MGMT: variants seen among roughly 807,000 people sequenced by gnomAD.
MGMT encodes methylated-DNA--protein-cysteine methyltransferase.
A neutral mutation model predicts 15.9 loss-of-function variants in MGMT; 14 were observed. The observed-to-expected ratio is 0.88, with a 90% CI of 0.58 to 1.37. MGMT has a LOEUF of 1.37. Ranked by LOEUF, MGMT falls within the 40% of genes most tolerant of loss-of-function variation. The pLI, the probability that MGMT is intolerant of heterozygous loss-of-function variation, is 0.00. For missense variants in MGMT, 282 were observed against 268.1 expected, an observed-to-expected ratio of 1.05 and a Z score of -0.36; for synonymous variants, 130 against 118.2, an observed-to-expected ratio of 1.10 and a Z score of -0.65.
chr10:129,579,682 C>T (rs929492893), intron 2 of MGMT, among the ~76,000 whole-genome samples: 2 of 152,198 alleles, frequency 1.3e-5, no homozygotes, highest in African/African-American at 4.8e-5. Flanking sequence ...CTTCTGGAGC[C>T]TTACTATTAT....
At chr10:129,746,688 A>G (rs908494286) in intron 3 of MGMT, among the ~76,000 whole-genome samples, 1 of 152,170 alleles carries the variant, frequency 6.6e-6, no homozygotes, top group Non-Finnish European at 1.5e-5. Context: ...TAACTCCATC[A>G]ATACTCCAAC....
intron 2 of MGMT, among the ~76,000 whole-genome samples, chr10:129,699,491 C>A (rs1047993320): frequency 2.6e-5 from 4 of 152,108 alleles, no homozygotes; most frequent in Non-Finnish European, 1.5e-5. Flanking sequence ...ATACCTACGA[C>A]CACCCAGAAA....
chr10:129,727,483 A>C (rs1180983947), intron 3 of MGMT, among the ~76,000 whole-genome samples: 1 of 152,228 alleles, frequency 6.6e-6, no homozygotes, highest in Non-Finnish European at 1.5e-5. Context: ...CATGAAAGAA[A>C]GGTCATTTGT....
At chr10:129,473,172 C>T (rs1589826114) in intron 1 of MGMT, among the ~76,000 whole-genome samples, 1 of 152,350 alleles carries the variant, frequency 6.6e-6, no homozygotes, top group South Asian at 2.1e-4. Context: ...GCAGTGACAC[C>T]AGCATGTGAC....
intron 4 of MGMT, among the ~76,000 whole-genome samples, chr10:129,763,748 A>T (rs1280887448): frequency 6.6e-6 from 1 of 152,240 alleles, no homozygotes; most frequent in Non-Finnish European, 1.5e-5. Context: ...GCAATTATTA[A>T]TGGGACTGTT....
At chr10:129,487,875 TGAGA>T (rs979679490) in intron 1 of MGMT, among the ~76,000 whole-genome samples, 1 of 151,100 alleles carries the variant, frequency 6.6e-6, no homozygotes, top group East Asian at 2.0e-4. Flanking sequence ...TCCTAGACAT[TGAGA>T]GACTGTGTGT....
chr10:129,524,146 T>C (rs7913859), intron 1 of MGMT, among the ~76,000 whole-genome samples: 37,771 of 152,042 alleles, frequency 0.25, 5,622 homozygotes, highest in African/African-American at 0.42. Context: ...CTGCCCACTC[T>C]GCCTCCTGGC....
intron 1 of MGMT, among the ~76,000 whole-genome samples, chr10:129,489,250 C>A (rs1162094421): frequency 2.0e-5 from 3 of 148,124 alleles, no homozygotes; most frequent in African/African-American, 7.8e-5. Context: ...ATCCCAGTTA[C>A]TCGGGAGGCT....
chr10:129,697,438 G>A (rs1389103217), intron 2 of MGMT, among the ~76,000 whole-genome samples: 4 of 151,972 alleles, frequency 2.6e-5, no homozygotes, highest in Non-Finnish European at 1.5e-5. Flanking sequence ...TCCATTCCTG[G>A]GTCTGTCCCT....
At position 129,556,821 on chromosome 10, in the gene MGMT, C is replaced by G. The variant is rs1846219371; in HGVS notation, c.125+20444C>G. 6.6e-6 allele frequency among the ~76,000 whole-genome samples: 1 copy of G among 152,176 alleles called. No homozygotes were observed. Among genetic ancestry groups the G allele is most frequent in the Non-Finnish European group, 1.5e-5 (1 of 68,030 alleles). ...GGTGAGCAATGTTAGTCCCAAATCA[C>G]TTTTTCACAACTTGTTTCTGTTCTG... is the stretch of plus-strand genomic sequence containing the variant. On this transcript the variant is annotated intron_variant, in intron 2 of 4. Transcript: ENST00000651593. This position sits in a 1 kb window ranked among gnomAD's most constrained non-coding sequence, Gnocchi z 4.3.
intron 1 of MGMT, among the ~76,000 whole-genome samples, chr10:129,504,042 C>G (rs1845601368): frequency 6.6e-6 from 1 of 152,154 alleles, no homozygotes; most frequent in Admixed American, 6.6e-5. Context: ...TCGTAATCTG[C>G]CTTTTACATT....
At chr10:129,689,575 G>A (rs1847947369) in intron 2 of MGMT, among the ~76,000 whole-genome samples, 1 of 152,230 alleles carries the variant, frequency 6.6e-6, no homozygotes, top group South Asian at 2.1e-4. Context: ...GTGTGATGGA[G>A]CAGGTCCTTC....
rs75178489 is a variant in MGMT at position 129,495,219 on chromosome 10, A to G, written c.-13+27923A>G. Among the ~76,000 whole-genome samples, 324 of 152,346 alleles carry G rather than the reference A, an allele frequency of 2.1e-3. 1 individual carries two copies. Among genetic ancestry groups the G allele is most frequent in the African/African-American group, 7.3e-3 (303 of 41,580 alleles). Reference sequence around the variant, plus strand: ...GAGACTAATTATTTGAATTCATGGTACAAATAACGTAATTTAGAGTTACAG... The same window carrying G: ...GAGACTAATTATTTGAATTCATGGTGCAAATAACGTAATTTAGAGTTACAG... On this transcript the variant is annotated intron_variant, in intron 1 of 4. Transcript: ENST00000651593.
intron 2 of MGMT, among the ~76,000 whole-genome samples, chr10:129,594,918 G>T: frequency 6.6e-6 from 1 of 152,292 alleles, no homozygotes; most frequent in Non-Finnish European, 1.5e-5. Flanking sequence ...CACCCGTCAC[G>T]CCATCAACCT....
chr10:129,594,643 G>C (rs920934741), intron 2 of MGMT, among the ~76,000 whole-genome samples: 2 of 152,194 alleles, frequency 1.3e-5, no homozygotes, highest in Non-Finnish European at 2.9e-5. Flanking sequence ...GTTCCCATCA[G>C]CTCCAGCGCG....
At chr10:129,541,567 G>A (rs892549565) in intron 2 of MGMT, among the ~76,000 whole-genome samples, 1 of 152,084 alleles carries the variant, frequency 6.6e-6, no homozygotes, top group African/African-American at 2.4e-5. Flanking sequence ...TATCACCCTG[G>A]GTCATACTTA....
At chr10:129,756,810 A>C (rs7097039) in intron 3 of MGMT, among the ~76,000 whole-genome samples, 13,123 of 152,276 alleles carry the variant, frequency 0.086, 808 homozygotes, top group Non-Finnish European at 0.13. Context: ...GGGCCACCTG[A>C]AGTGATTGTT....
chr10:129,685,768 T>A (rs1847898033), intron 2 of MGMT, among the ~76,000 whole-genome samples: 2 of 152,226 alleles, frequency 1.3e-5, no homozygotes, highest in Non-Finnish European at 2.9e-5. Flanking sequence ...AACCATTCAT[T>A]ATCTCTGGAG....
intron 3 of MGMT, among the ~76,000 whole-genome samples, chr10:129,757,651 G>A (rs1209108050): frequency 6.6e-6 from 1 of 152,010 alleles, no homozygotes; most frequent in African/African-American, 2.4e-5. Flanking sequence ...TTAAAGTTAG[G>A]CATAACAACA....
Sources: gnomAD v4.1 joint callset for allele counts (sites outside exome capture counted in the v4.1 genomes callset) on GRCh38, gnomAD v4.1.1 for gene constraint, Gnocchi (gnomAD v3.1) non-coding constraint, MANE v1.5 for transcripts, NCBI Gene and HGNC (gene_info 2026-07-23, HGNC 2026-07-21) for gene names.